Variants in SLC25A42 observed in about 807,000 individuals in gnomAD.
The protein encoded by SLC25A42 is mitochondrial coenzyme A transporter SLC25A42.
SLC25A42 carries 19 observed loss-of-function variants against 34.7 expected under a neutral mutation model. The observed-to-expected ratio is 0.55, with a 90% CI of 0.38 to 0.80. The LOEUF (loss-of-function observed/expected upper bound fraction) is 0.80. Among genes scored for constraint, SLC25A42 ranks in the 30% least tolerant of loss-of-function variants. The pLI, the probability that SLC25A42 is intolerant of heterozygous loss-of-function variation, is 0.00. For synonymous variants in SLC25A42, 205 were observed against 191.2 expected (o/e 1.07, Z -0.59); for missense variants, 364 against 441.3 (o/e 0.82, Z 1.57).
At chr19:19,069,010 G>A (rs916898) in intron 1 of SLC25A42, among the ~76,000 whole-genome samples, 103,289 of 150,242 alleles carry the variant, frequency 0.69, 36,250 homozygotes, top group East Asian at 0.89. Flanking sequence ...CTGGGTGACA[G>A]TGAGGTTCTG....
At chr19:19,101,491 C>A (rs1015449054) in intron 2 of SLC25A42, among the ~76,000 whole-genome samples, 1 of 152,160 alleles carries the variant, frequency 6.6e-6, no homozygotes, top group South Asian at 2.1e-4. Flanking sequence ...GAAGTTTGCA[C>A]GTGGGCCAGT....
rs1442464927 is a variant in SLC25A42, at chr19:19,105,686, G to A, written c.339G>A (p.Glu113=). 5 of 1,609,788 alleles carry A rather than the reference G, an allele frequency of 3.1e-6. No homozygotes were observed. Among genetic ancestry groups the A allele is most frequent in the Non-Finnish European group, 4.2e-6 (5 of 1,177,586 alleles). The part of the protein sequence containing the change: ...YAAIQFSAHE[E]YKRILGSYYG... ...CCATCCAGTTCAGCGCACACGAGGA[G>A]TACAAGCGCATCCTGGGCAGCTACT... Residue 113 remains glutamate (E), a synonymous_variant, in exon 5 of 8, where the codon GAG becomes GAA. Transcript: ENST00000318596.
intron 3 of SLC25A42, among the ~76,000 whole-genome samples, chr19:19,104,502 T>G (rs2059815389): frequency 6.6e-6 from 1 of 150,910 alleles, no homozygotes; most frequent in Non-Finnish European, 1.5e-5. Context: ...CCACAGGGGG[T>G]GGGAGAGGCA....
At chr19:19,084,130 C>T (rs150864587) in intron 1 of SLC25A42, among the ~76,000 whole-genome samples, 56 of 152,274 alleles carry the variant, frequency 3.7e-4, no homozygotes, top group Non-Finnish European at 5.1e-4. Context: ...ACCCCACCAC[C>T]GCAACATGCC....
chr19:19,081,118 TAAAAA>T lies in SLC25A42; in HGVS notation c.-34-14969_-34-14965del, dbSNP rs890953597. 3.8e-5 allele frequency among the ~76,000 whole-genome samples: 5 copies of T among 132,448 alleles called. No homozygotes were observed. Among genetic ancestry groups the T allele is most frequent in the African/African-American group, 1.4e-4 (5 of 35,324 alleles). 86.9% of individuals were successfully genotyped at this position (132,448 alleles called of 152,430 possible). On this transcript the variant is annotated intron_variant, in intron 1 of 7. Coordinates refer to ENST00000318596, the MANE Select transcript of SLC25A42 (RefSeq NM_178526.5). This position sits in a 1 kb window ranked among gnomAD's most constrained non-coding sequence, Gnocchi z 4.5. ...GTGACAGAGTGAGACCCTGAAAAAA[TAAAAA>T]AAAGAAGAAAGAAAGAATAAAGAAA...
chr19:19,092,063 C>T (rs1362923708), intron 1 of SLC25A42, among the ~76,000 whole-genome samples: 1 of 152,170 alleles, frequency 6.6e-6, no homozygotes, highest in Non-Finnish European at 1.5e-5. Context: ...CGCTCTTGTG[C>T]TGTGGGATCA....
At chr19:19,103,384 C>A (rs1002202695) in intron 3 of SLC25A42, among the ~76,000 whole-genome samples, 1 of 152,112 alleles carries the variant, frequency 6.6e-6, no homozygotes, top group African/African-American at 2.4e-5. Flanking sequence ...CATGAGTCAC[C>A]GCGCCCGGCC....
At chr19:19,093,296 G>T in intron 1 of SLC25A42, among the ~76,000 whole-genome samples, 1 of 152,164 alleles carries the variant, frequency 6.6e-6, no homozygotes, top group Non-Finnish European at 1.5e-5. Flanking sequence ...GATTCCAGGT[G>T]CGTGCCACCA....
chr19:19,106,424 G>A (rs1349379581), intron 6 of SLC25A42, 39 bp downstream of exon 6: 2 of 1,531,840 alleles, frequency 1.3e-6, no homozygotes, highest in South Asian at 1.1e-5. Flanking sequence ...AGCCCCGGGG[G>A]CTCTGTGTCT....
At position 19,096,151 on chromosome 19, in the gene SLC25A42, G is replaced by A. The variant is rs370153229; in HGVS notation, c.27G>A (p.Pro9=). 44 of 1,613,918 alleles carry A rather than the reference G, an allele frequency of 2.7e-5. No homozygotes were observed. The African/African-American group carries it at 3.1e-4, about 11-fold the overall frequency. Reference sequence around the variant, plus strand: ...TGGGTAATGGTGTGAAGGAAGGCCCGGTGCGATTGCATGAGGATGCTGAGG... The same window carrying A: ...TGGGTAATGGTGTGAAGGAAGGCCCAGTGCGATTGCATGAGGATGCTGAGG... MGNGVKEG[P]VRLHEDAEAV... Residue 9 remains proline (P), a synonymous_variant, in exon 2 of 8, where the codon CCG becomes CCA. Coordinates refer to ENST00000318596, the MANE Select transcript of SLC25A42 (RefSeq NM_178526.5).
At position 19,076,127 on chromosome 19, in the gene SLC25A42, T is replaced by C. The variant is rs578050725; in HGVS notation, c.-35+12012T>C. 1.3e-4 allele frequency among the ~76,000 whole-genome samples: 20 copies of C among 152,246 alleles called. No individual in the cohort carries two copies. The South Asian group carries it at 4.1e-3, about 32-fold the overall frequency. On this transcript the variant is annotated intron_variant, in intron 1 of 7. Coordinates refer to ENST00000318596, the MANE Select transcript of SLC25A42 (RefSeq NM_178526.5). ...TGTGCGTGTGGACCAACTGTAGAGC[T>C]TCAGTGCCTCCTCCAGGCTTTCATC...
chr19:19,086,058 A>G (rs1164261111), intron 1 of SLC25A42, among the ~76,000 whole-genome samples: 1 of 152,224 alleles, frequency 6.6e-6, no homozygotes, highest in African/African-American at 2.4e-5. Context: ...TCACCCGGCC[A>G]GTCCTTCTAT....
At chr19:19,093,661 C>T (rs935319455) in intron 1 of SLC25A42, among the ~76,000 whole-genome samples, 3 of 152,110 alleles carry the variant, frequency 2.0e-5, no homozygotes, top group Non-Finnish European at 2.9e-5. Flanking sequence ...AATGCCCCTC[C>T]GGTGGGATGT....
chr19:19,080,705 A>G (rs775792373), intron 1 of SLC25A42, among the ~76,000 whole-genome samples: 9 of 152,050 alleles, frequency 5.9e-5, no homozygotes, highest in Non-Finnish European at 1.2e-4. Context: ...GGCAGATTGC[A>G]TGAGCTTAGT....
In SLC25A42 at chr19:19,073,462, G is replaced by A. The variant is rs114055935; in HGVS notation, c.-35+9347G>A. On this transcript the variant is annotated intron_variant, in intron 1 of 7. Coordinates refer to ENST00000318596, the MANE Select transcript of SLC25A42 (RefSeq NM_178526.5). ...GAAGTTTGCCAGGATCGGAGACTGCGGCCAAAGCAAAACTTGGCATGTCCA... is the reference window on the plus strand; with the variant it reads ...GAAGTTTGCCAGGATCGGAGACTGCAGCCAAAGCAAAACTTGGCATGTCCA... Among the ~76,000 whole-genome samples, 313 of 152,260 alleles carry A rather than the reference G, an allele frequency of 2.1e-3. 1 individual carries two copies. The highest frequency in any genetic ancestry group is 7.3e-3 in the African/African-American group (302 of 41,544).
At chr19:19,083,157 T>C (rs1029157248) in intron 1 of SLC25A42, among the ~76,000 whole-genome samples, 3 of 152,084 alleles carry the variant, frequency 2.0e-5, no homozygotes, top group Non-Finnish European at 4.4e-5. Flanking sequence ...TTCACTATGT[T>C]ACCCAGGCTG....
At chr19:19,078,258 G>A (rs1185423600) in intron 1 of SLC25A42, among the ~76,000 whole-genome samples, 2 of 152,114 alleles carry the variant, frequency 1.3e-5, no homozygotes, top group African/African-American at 4.8e-5. Flanking sequence ...GGGCGGTGGG[G>A]GTACTTTGTG....
At chr19:19,088,893 T>C (rs1403736380) in intron 1 of SLC25A42, among the ~76,000 whole-genome samples, 1 of 150,792 alleles carries the variant, frequency 6.6e-6, no homozygotes, top group Non-Finnish European at 1.5e-5. Context: ...CTGTAACCTC[T>C]GCCTCCTGGG....
In SLC25A42 at chr19:19,111,105, C is replaced by T; in HGVS notation, c.*229C>T. On this transcript the variant is annotated 3_prime_UTR_variant, in exon 8 of 8. Transcript: ENST00000318596. ...ATGGTGTGGGGGGTCCCGCAGCTCC[C>T]CTCTTCCTTCCTCTGCAGACGCTGG... The T allele has an allele frequency of 5.2e-6, 3 of 574,770 alleles. No homozygotes were observed. Among genetic ancestry groups the T allele is most frequent in the South Asian group, 4.1e-5 (2 of 48,808 alleles). 35.6% of individuals were successfully genotyped at this position (574,770 alleles called of 1,614,324 possible). A position where few individuals can be genotyped will look rare whatever the true frequency, so the allele number is the denominator to read the frequency against.
Sources: allele counts gnomAD v4.1 joint callset (sites outside exome capture counted in the v4.1 genomes callset), GRCh38; gene constraint gnomAD v4.1.1; non-coding constraint Gnocchi (gnomAD v3.1); transcripts MANE v1.5; gene names NCBI Gene and HGNC (gene_info 2026-07-23, HGNC 2026-07-21).